Variants in SYNE2 observed in about 807,000 individuals in gnomAD.
The protein encoded by SYNE2 is nesprin-2.
SYNE2 carries 431 observed loss-of-function variants against 856.3 expected under a neutral mutation model. The ratio of observed to expected loss-of-function variants is 0.50; its 90% CI spans 0.47 to 0.55. The LOEUF (loss-of-function observed/expected upper bound fraction) is 0.55. SYNE2 is among the 20% of genes least tolerant of loss of function. The pLI is 0.00. For missense variants in SYNE2, 8,129 were observed against 8,023.2 expected (o/e 1.01, Z -0.50); for synonymous variants, 2,923 against 2,872.3 (o/e 1.02, Z -0.56).
intron 99 of SYNE2, among the ~76,000 whole-genome samples, chr14:64,198,644 C>T (rs151170116): frequency 2.6e-4 from 40 of 152,136 alleles, no homozygotes; most frequent in Admixed American, 6.5e-4. Context: ...ACCTTCCCCC[C>T]CTCTTTAACT....
intron 65 of SYNE2, among the ~76,000 whole-genome samples, chr14:64,109,312 ATACT>A (rs944930064): frequency 2.0e-5 from 3 of 151,726 alleles, no homozygotes; most frequent in Non-Finnish European, 2.9e-5. Context: ...GGATAACAAA[ATACT>A]TACTGAACAT....
At chr14:64,100,789 T>C (rs191675898) in intron 63 of SYNE2, among the ~76,000 whole-genome samples, 1 of 151,638 alleles carries the variant, frequency 6.6e-6, no homozygotes, top group Admixed American at 6.6e-5. Flanking sequence ...GCCCTTTTTT[T>C]AATGTCCTTT....
rs2096804219 is a variant in SYNE2, at chr14:64,007,313, G to A, written c.4577+91G>A. 44 of 1,210,812 alleles carry A rather than the reference G, an allele frequency of 3.6e-5. No individual in the cohort carries two copies. In the South Asian group the frequency reaches 4.1e-4, roughly 11 times the overall value. 75.0% of individuals were successfully genotyped at this position (1,210,812 alleles called of 1,614,324 possible). A position where few individuals can be genotyped will look rare whatever the true frequency, so the allele number is the denominator to read the frequency against. On this transcript the variant is annotated intron_variant, in intron 31 of 115. Coordinates refer to ENST00000555002, the MANE Select transcript of SYNE2 (RefSeq NM_182914.3). ...ACTTCTGGGTTGAAAACACATCTCC[G>A]TGGACCCAAAGGAGGGACAAACATA... is the stretch of plus-strand genomic sequence containing the variant.
In SYNE2 at chr14:64,218,481, G is replaced by A. The variant is rs368941829; in HGVS notation, c.19626G>A (p.Gly6542=). 2 of 1,614,028 alleles carry A rather than the reference G, an allele frequency of 1.2e-6. No individual in the cohort carries two copies. The highest frequency in any genetic ancestry group is 1.3e-5 in the African/African-American group (1 of 75,030). The change falls in exon 109 of 116, where the codon GGG becomes GGA. Residue 6542 remains glycine (G), a synonymous_variant. Coordinates refer to ENST00000555002, the MANE Select transcript of SYNE2 (RefSeq NM_182914.3). ...VLNGNPQQED[G]GLAGITEQQS... ...ATGGCAACCCACAGCAGGAAGACGGGGGACTGGCCGGTATCACAGAGCAGC... is the reference window on the plus strand; with the variant it reads ...ATGGCAACCCACAGCAGGAAGACGGAGGACTGGCCGGTATCACAGAGCAGC...
intron 52 of SYNE2, among the ~76,000 whole-genome samples, chr14:64,072,717 T>C (rs889038071): frequency 7.2e-5 from 11 of 152,278 alleles, no homozygotes; most frequent in Middle Eastern, 3.4e-3. Context: ...CCCAGGGTGG[T>C]CTCGAACGCC....
chr14:63,902,400 G>A (rs2095349252), intron 1 of SYNE2, among the ~76,000 whole-genome samples: 1 of 97,952 alleles, frequency 1.0e-5, no homozygotes, highest in Non-Finnish European at 1.9e-5. Flanking sequence ...GACAGAACGA[G>A]ACTCCTCAAA....
At chr14:63,826,349 G>T (rs1019300526) in intron 1 of SYNE2, among the ~76,000 whole-genome samples, 4 of 152,076 alleles carry the variant, frequency 2.6e-5, no homozygotes, top group African/African-American at 7.2e-5. Context: ...TGCCAGTCAG[G>T]AGTTGAGTGG....
At chr14:64,120,231 C>T (rs988607529) in intron 67 of SYNE2, among the ~76,000 whole-genome samples, 1 of 151,840 alleles carries the variant, frequency 6.6e-6, no homozygotes, top group Non-Finnish European at 1.5e-5. Context: ...CCATATGGTT[C>T]CCCTTTCATC....
intron 1 of SYNE2, among the ~76,000 whole-genome samples, chr14:63,769,094 G>C (rs547012110): frequency 1.3e-4 from 20 of 152,234 alleles, no homozygotes; most frequent in South Asian, 1.0e-3. Flanking sequence ...GGGCAATACA[G>C]TGAGACCTCA....
chr14:64,099,422 T>C (rs1353789437), intron 63 of SYNE2: 1 of 170,764 alleles, frequency 5.9e-6, no homozygotes, highest in Admixed American at 5.6e-5. Flanking sequence ...TTGGGCTCAT[T>C]TTATAGATGG....
intron 1 of SYNE2, among the ~76,000 whole-genome samples, chr14:63,870,429 C>A (rs1238759379): frequency 5.2e-5 from 7 of 134,888 alleles, no homozygotes; most frequent in African/African-American, 1.4e-4. Context: ...GTTTACAAGG[C>A]CATCTCCCCC....
chr14:63,911,394 A>T (rs530174285), intron 2 of SYNE2, among the ~76,000 whole-genome samples: 2 of 152,270 alleles, frequency 1.3e-5, no homozygotes, highest in South Asian at 4.1e-4. Flanking sequence ...TATTATTATT[A>T]TACATATCAA....
chr14:63,903,053 A>G (rs182888949), intron 1 of SYNE2, among the ~76,000 whole-genome samples: 143 of 151,994 alleles, frequency 9.4e-4, no homozygotes, highest in African/African-American at 3.3e-3. Flanking sequence ...GTTCCTTGGA[A>G]CTTTTCTTTT....
At chr14:63,952,683 A>G (rs1228069344) in intron 7 of SYNE2, among the ~76,000 whole-genome samples, 3 of 152,238 alleles carry the variant, frequency 2.0e-5, no homozygotes, top group Non-Finnish European at 2.9e-5. Flanking sequence ...CATTTAGAAC[A>G]GTTTCTGGAT....
intron 32 of SYNE2, among the ~76,000 whole-genome samples, chr14:64,010,763 C>G (rs2096838035): frequency 6.6e-6 from 1 of 152,134 alleles, no homozygotes; most frequent in Admixed American, 6.6e-5. Flanking sequence ...CTCAGCCTTT[C>G]AAGTAGCTGG....
At chr14:64,214,987 G>A (rs929111623) in intron 106 of SYNE2, among the ~76,000 whole-genome samples, 1 of 151,994 alleles carries the variant, frequency 6.6e-6, no homozygotes, top group Admixed American at 6.6e-5. Flanking sequence ...AAGTCCTCCC[G>A]CCTCAGCCTC....
rs1422705913 is a variant in SYNE2, at chr14:63,792,131, T to C, written c.-305+30145T>C. Among the ~76,000 whole-genome samples, 4 of 152,074 alleles carry C rather than the reference T, an allele frequency of 2.6e-5. No individual in the cohort carries two copies. In the East Asian group the frequency reaches 7.7e-4, roughly 29 times the overall value. Reference sequence around the variant, plus strand: ...CAACCATACGAGTAATTACATTAAATGTACATGAATTAAACACTCCAATTA... The same window carrying C: ...CAACCATACGAGTAATTACATTAAACGTACATGAATTAAACACTCCAATTA... On this transcript the variant is annotated intron_variant, in intron 1 of 23. Transcript: ENST00000674003.
At chr14:64,070,585 A>G (rs2097397989) in intron 51 of SYNE2, 60 bp from the exon 52 acceptor site, 5 of 1,463,426 alleles carry the variant, frequency 3.4e-6, no homozygotes, top group Non-Finnish European at 3.7e-6. Context: ...TGTCTACTTC[A>G]GGTCCTGAAA....
In SYNE2 at chr14:64,225,392, C is replaced by T. The variant is rs201554266; in HGVS notation, c.20590C>T (p.Leu6864Phe). Residue 6864 changes from leucine to phenylalanine, a missense_variant, in exon 116 of 116, where the codon CTC becomes TTC. Leu to Phe is a conservative substitution (Grantham distance 22). Around this residue, in one of 3 missense-constraint regions of SYNE2, gnomAD observed 5,410 missense variants for 5,284.8 expected, o/e 1.02. Transcript: ENST00000555002. ...CCGGGCAGCCCTACCCCTGCAGCTG[C>T]TCCTCCTGCTGCTGCTGCTCCTGGC... ...VVRAALPLQL[L>F]LLLLLLLACL... 201 of 1,614,126 alleles carry T rather than the reference C, an allele frequency of 1.2e-4. 1 individual carries two copies. Among genetic ancestry groups the T allele is most frequent in the Non-Finnish European group, 1.2e-4 (143 of 1,179,992 alleles).
Sources: gnomAD v4.1 joint callset for allele counts (sites outside exome capture counted in the v4.1 genomes callset) on GRCh38, gnomAD v4.1.1 for gene constraint, gnomAD v4.1.1 regional missense constraint, MANE v1.5 for transcripts, NCBI Gene and HGNC (gene_info 2026-07-23, HGNC 2026-07-21) for gene names.